The following ASCC3 variants were observed in gnomAD, a reference collection of about 807,000 sequenced individuals.
ASCC3 encodes ASC-1 complex subunit P200.
Under a neutral mutation model 256.3 loss-of-function variants are expected in ASCC3, and 158 were observed. That is an observed-to-expected ratio of 0.62 (90% CI 0.54 to 0.70). The LOEUF is 0.70. Ranked by LOEUF, ASCC3 falls within the 30% of genes least tolerant of loss-of-function variation. The probability of loss-of-function intolerance (pLI) is 0.00; values close to 1 mark genes in which losing one functional copy is unlikely to be tolerated. For missense variants in ASCC3, 2,259 were observed against 2,626.0 expected (o/e 0.86, Z 3.05); for synonymous variants, 948 against 883.4 (o/e 1.07, Z -1.30).
chr6:100,549,343 A>G (rs1354053207), intron 36 of ASCC3, among the ~76,000 whole-genome samples: 1 of 151,968 alleles, frequency 6.6e-6, no homozygotes, highest in Non-Finnish European at 1.5e-5. Flanking sequence ...TGTTATGGCT[A>G]TTCTACGCTG....
chr6:100,819,574 G>A (rs1256008766), intron 4 of ASCC3, among the ~76,000 whole-genome samples: 1 of 152,068 alleles, frequency 6.6e-6, no homozygotes, highest in Non-Finnish European at 1.5e-5. Context: ...GGAGCCCCTG[G>A]CAAGCCACTG....
intron 24 of ASCC3, among the ~76,000 whole-genome samples, chr6:100,640,048 G>A (rs1775042857): frequency 6.6e-6 from 1 of 152,150 alleles, no homozygotes. Context: ...CCGGCGAGTG[G>A]TGGTTGCAGT....
chr6:100,772,541 T>C lies in ASCC3; in HGVS notation c.1396-5196A>G, dbSNP rs115912367. ...GAGTTAGACAACATAGACTTATCTA[T>C]TATACATTTGCTTATGCTTTCATTT... On this transcript the variant is annotated intron_variant, in intron 8 of 41. Transcript: ENST00000369162. 3.8e-3 allele frequency among the ~76,000 whole-genome samples: 573 copies of C among 152,344 alleles called. 5 individuals are homozygous for C. Among genetic ancestry groups the C allele is most frequent in the African/African-American group, 0.013 (553 of 41,588 alleles).
At chr6:100,555,242 A>G (rs949301259) in intron 36 of ASCC3, among the ~76,000 whole-genome samples, 1 of 152,216 alleles carries the variant, frequency 6.6e-6, no homozygotes, top group African/African-American at 2.4e-5. Flanking sequence ...TAAAGTATCA[A>G]AATAACTTTA....
chr6:100,581,668 T>C (rs1771277347), intron 36 of ASCC3, among the ~76,000 whole-genome samples: 1 of 152,212 alleles, frequency 6.6e-6, no homozygotes, highest in Non-Finnish European at 1.5e-5. Flanking sequence ...CATGGCTATG[T>C]CCTGAATGGT....
chr6:100,766,980 C>T (rs1429925461), intron 9 of ASCC3, among the ~76,000 whole-genome samples, 165 bp downstream of exon 9: 1 of 152,094 alleles, frequency 6.6e-6, no homozygotes, highest in Non-Finnish European at 1.5e-5. Context: ...TTTCATAACA[C>T]AAATAAGAAC....
intron 8 of ASCC3, among the ~76,000 whole-genome samples, chr6:100,792,280 G>A (rs1227804371): frequency 1.3e-5 from 2 of 151,844 alleles, no homozygotes; most frequent in African/African-American, 4.8e-5. Context: ...ATTTCGTGAA[G>A]CAAATATTTT....
At chr6:100,512,556 G>C (rs544468184) in intron 40 of ASCC3, among the ~76,000 whole-genome samples, 153 bp downstream of exon 40, 1 of 152,250 alleles carries the variant, frequency 6.6e-6, no homozygotes, top group South Asian at 2.1e-4. Flanking sequence ...GAGAACTCAC[G>C]AATTTCAAAA....
At chr6:100,701,365 TC>T (rs1207688696) in intron 13 of ASCC3, among the ~76,000 whole-genome samples, 1 of 152,198 alleles carries the variant, frequency 6.6e-6, no homozygotes, top group Non-Finnish European at 1.5e-5. Context: ...AAGCTCTCTC[TC>T]TTTGCCTGCC....
intron 33 of ASCC3, among the ~76,000 whole-genome samples, chr6:100,603,963 T>C (rs981998662): frequency 1.3e-5 from 2 of 152,090 alleles, no homozygotes; most frequent in African/African-American, 2.4e-5. Context: ...CTGGCAAGTA[T>C]TCTTCCCTTT....
intron 3 of ASCC3, among the ~76,000 whole-genome samples, chr6:100,853,417 T>G (rs1020461031): frequency 1.1e-5 from 1 of 88,718 alleles, no homozygotes; most frequent in African/African-American, 3.2e-5. Context: ...TTGATAAATA[T>G]TCCTTTTTTT....
intron 36 of ASCC3, among the ~76,000 whole-genome samples, chr6:100,567,363 C>T (rs904311345): frequency 3.9e-5 from 6 of 151,986 alleles, no homozygotes; most frequent in Non-Finnish European, 7.4e-5. Context: ...CATAGGTGTA[C>T]ATCATTGGAT....
chr6:100,653,008 C>T (rs994068777), intron 17 of ASCC3, 119 bp from the exon 18 acceptor site: 1 of 921,138 alleles, frequency 1.1e-6, no homozygotes, highest in African/African-American at 1.7e-5. Flanking sequence ...TTTTTAATTA[C>T]AATTTTTAAA....
At chr6:100,703,887 G>T (rs1778457584) in intron 13 of ASCC3, among the ~76,000 whole-genome samples, 1 of 151,516 alleles carries the variant, frequency 6.6e-6, no homozygotes, top group African/African-American at 2.4e-5. Context: ...CACTGTTAAT[G>T]AAAAAGTACA....
chr6:100,805,203 T>C (rs1228186099), intron 5 of ASCC3, among the ~76,000 whole-genome samples: 1 of 152,182 alleles, frequency 6.6e-6, no homozygotes, highest in Non-Finnish European at 1.5e-5. Flanking sequence ...GACTATATGA[T>C]GTCCTTTGCA....
At chr6:100,660,285 T>C (rs115563352) in intron 16 of ASCC3, among the ~76,000 whole-genome samples, 4,553 of 151,694 alleles carry the variant, frequency 0.03, 75 homozygotes, top group African/African-American at 0.054. Flanking sequence ...TATCACTCTC[T>C]GGATAATATC....
At chr6:100,671,036 A>G (rs1313509852) in intron 14 of ASCC3, among the ~76,000 whole-genome samples, 1 of 152,028 alleles carries the variant, frequency 6.6e-6, no homozygotes, top group East Asian at 1.9e-4. Context: ...TCCTTGTTAT[A>G]TTACTAAATG....
Position 100,660,095 on chromosome 6 carries a change from G to T in ASCC3, c.2703+1711C>A, listed in dbSNP as rs190899041. On this transcript the variant is annotated intron_variant, in intron 16 of 41. Coordinates refer to ENST00000369162, the MANE Select transcript of ASCC3 (RefSeq NM_006828.4). ...CATTTTGGAAAATGTTTTTAATAGAGGCCTGAGAAGAGGGCAAATGCTATA... is the reference window on the plus strand; with the variant it reads ...CATTTTGGAAAATGTTTTTAATAGATGCCTGAGAAGAGGGCAAATGCTATA... Among the ~76,000 whole-genome samples, 12 of 151,560 alleles carry T rather than the reference G, an allele frequency of 7.9e-5. No individual in the cohort carries two copies. The East Asian group carries it at 2.3e-3, about 29-fold the overall frequency.
At chr6:100,847,981 C>T (rs1045838065) in intron 4 of ASCC3, 167 bp downstream of exon 4, 16 of 596,066 alleles carry the variant, frequency 2.7e-5, no homozygotes, top group Non-Finnish European at 3.9e-5. Context: ...TGTAACTATC[C>T]ATTAGGAACG....
Sources: allele counts gnomAD v4.1 joint callset (sites outside exome capture counted in the v4.1 genomes callset), GRCh38; gene constraint gnomAD v4.1.1; transcripts MANE v1.5; gene names NCBI Gene and HGNC (gene_info 2026-07-23, HGNC 2026-07-21).